The following CACNA2D3 variants were observed in gnomAD, a reference collection of about 807,000 sequenced individuals.
CACNA2D3 encodes the protein calcium voltage-gated channel auxiliary subunit alpha2delta 3.
Under a neutral mutation model 160.6 loss-of-function variants are expected in CACNA2D3, and 60 were observed. The observed-to-expected ratio is 0.37, with a 90% confidence interval of 0.30 to 0.46. The LOEUF is 0.46. CACNA2D3 is among the 20% of genes least tolerant of loss of function. The pLI, the probability that CACNA2D3 is intolerant of heterozygous loss-of-function variation, is 1.00. For missense variants in CACNA2D3, 1,205 were observed against 1,365.0 expected, an observed-to-expected ratio of 0.88 and a Z score of 1.85; for synonymous variants, 558 against 492.9, an observed-to-expected ratio of 1.13 and a Z score of -1.75.
rs1699536351 is a variant in CACNA2D3, at chr3:54,871,610, C to T, written c.1698C>T (p.Asp566=). ...ACCTCTCTGAGGTGGAGTGGGAAGA[C>T]CGAGATGACGTGGTAAGTGATTTGT... ...SVDLSEVEWE[D]RDDVLRNAMV... is the part of the protein sequence containing the mutation. Residue 566 remains aspartate (D), a synonymous_variant, in exon 18 of 38, where the codon GAC becomes GAT. Transcript: ENST00000474759. The T allele has an allele frequency of 6.2e-7, 1 of 1,612,126 alleles. No individual in the cohort carries two copies. Among genetic ancestry groups the T allele is most frequent in the African/African-American group, 1.3e-5 (1 of 75,004 alleles).
At chr3:54,766,151 T>G (rs1383037541) in intron 13 of CACNA2D3, among the ~76,000 whole-genome samples, 1 of 152,054 alleles carries the variant, frequency 6.6e-6, no homozygotes, top group Non-Finnish European at 1.5e-5. Context: ...AAAAAAAAAC[T>G]TTTGTAAGCC....
In CACNA2D3 at chr3:54,293,935, C is replaced by G. The variant is rs73841937; in HGVS notation, c.205-26507C>G. On this transcript the variant is annotated intron_variant, in intron 2 of 37. Coordinates refer to ENST00000474759, the MANE Select transcript of CACNA2D3 (RefSeq NM_018398.3). The stretch of plus-strand genomic sequence containing the variant: ...ATTGCACACCCAAAAGAGTGCATGC[C>G]TGAAACATTTAAATGCATGCTTGGG... Among the ~76,000 whole-genome samples the G allele has an allele frequency of 9.7e-3, 1,470 of 152,262 alleles. 26 individuals carry two copies. Among genetic ancestry groups the G allele is most frequent in the African/African-American group, 0.034 (1,400 of 41,548 alleles).
intron 10 of CACNA2D3, among the ~76,000 whole-genome samples, chr3:54,641,674 G>A (rs1381590990): frequency 6.6e-6 from 1 of 152,136 alleles, no homozygotes; most frequent in Non-Finnish European, 1.5e-5. Context: ...CTGCCTTTCA[G>A]TGCTATGCCA....
intron 24 of CACNA2D3, among the ~76,000 whole-genome samples, chr3:54,890,572 A>C (rs1018904250): frequency 1.3e-5 from 2 of 152,108 alleles, no homozygotes; most frequent in Admixed American, 1.3e-4. Flanking sequence ...TGCTTTTTGC[A>C]TAGGAGAAAT....
intron 11 of CACNA2D3, among the ~76,000 whole-genome samples, chr3:54,648,325 C>T (rs1159800583): frequency 6.6e-6 from 1 of 152,248 alleles, no homozygotes; most frequent in African/African-American, 2.4e-5. Context: ...ATTATTTTGA[C>T]ATAGCCACAC....
chr3:54,457,231 T>C (rs913601853), intron 4 of CACNA2D3, among the ~76,000 whole-genome samples: 1 of 152,054 alleles, frequency 6.6e-6, no homozygotes, highest in Non-Finnish European at 1.5e-5. Context: ...GCCTTTGCTG[T>C]ATCCTATAGG....
At chr3:54,309,940 T>A (rs1703699659) in intron 2 of CACNA2D3, among the ~76,000 whole-genome samples, 1 of 151,832 alleles carries the variant, frequency 6.6e-6, no homozygotes, top group Non-Finnish European at 1.5e-5. Flanking sequence ...CTGCTTGCAG[T>A]TCAGTGCCAT....
chr3:54,711,334 C>T (rs1486698105), intron 11 of CACNA2D3, among the ~76,000 whole-genome samples: 4 of 152,216 alleles, frequency 2.6e-5, no homozygotes, highest in Non-Finnish European at 5.9e-5. Context: ...CTTCAAACAT[C>T]TGTCACCCGG....
rs549418342 is a variant in CACNA2D3, at chr3:54,173,690, A to T, written c.204+50096A>T. Among the ~76,000 whole-genome samples the T allele has an allele frequency of 3.9e-5, 6 of 152,356 alleles. No individual in the cohort carries two copies. The South Asian group carries it at 1.2e-3, about 32-fold the overall frequency. ...TGCAAAGCACAGGTACGTCTAAAAG[A>T]TTGAACAGGTGTTGTTTGGCCTTTG... On this transcript the variant is annotated intron_variant, in intron 2 of 37. Transcript: ENST00000474759.
intron 13 of CACNA2D3, among the ~76,000 whole-genome samples, chr3:54,801,024 T>C (rs1344587858): frequency 1.3e-5 from 2 of 151,568 alleles, no homozygotes; most frequent in Non-Finnish European, 2.9e-5. Flanking sequence ...TCTTACTCTG[T>C]CACCCAGGCT....
chr3:54,236,738 A>G (rs1275432223), intron 2 of CACNA2D3, among the ~76,000 whole-genome samples: 1 of 152,230 alleles, frequency 6.6e-6, no homozygotes, highest in Non-Finnish European at 1.5e-5. Flanking sequence ...TAAACAGGCC[A>G]CATGACATAG....
chr3:54,329,514 C>T (rs12497372), intron 3 of CACNA2D3, among the ~76,000 whole-genome samples: 1,756 of 152,282 alleles, frequency 0.012, 28 homozygotes, highest in South Asian at 0.044. Flanking sequence ...CGGCTCCAAG[C>T]GAATGAACCT....
chr3:54,595,303 C>G (rs1702931401), intron 9 of CACNA2D3, among the ~76,000 whole-genome samples: 1 of 147,902 alleles, frequency 6.8e-6, no homozygotes, highest in African/African-American at 2.5e-5. Flanking sequence ...GCTGAAAGCT[C>G]TGTGTGTGTG....
intron 11 of CACNA2D3, among the ~76,000 whole-genome samples, chr3:54,643,339 A>T (rs1699564668): frequency 6.6e-6 from 1 of 152,138 alleles, no homozygotes; most frequent in Non-Finnish European, 1.5e-5. Context: ...CACACCTATC[A>T]CTGCCATCTC....
chr3:54,532,915 C>T lies in CACNA2D3; in HGVS notation c.544+29261C>T, dbSNP rs112320801. ...GAGGTTGTACTACTTTACATTCCCA[C>T]TAAGAGTAGGATAAGCCCCTTTCTC... is the stretch of plus-strand genomic sequence containing the variant. On this transcript the variant is annotated intron_variant, in intron 5 of 37. Coordinates refer to ENST00000474759, the MANE Select transcript of CACNA2D3 (RefSeq NM_018398.3). 6.8e-3 allele frequency among the ~76,000 whole-genome samples: 1,040 copies of T among 152,312 alleles called. 13 individuals are homozygous for T. The highest frequency in any genetic ancestry group is 0.024 in the African/African-American group (989 of 41,558).
chr3:54,173,662 C>T (rs933291240), intron 2 of CACNA2D3, among the ~76,000 whole-genome samples: 25 of 152,208 alleles, frequency 1.6e-4, no homozygotes, highest in African/African-American at 6.0e-4. Flanking sequence ...AATGATTAAT[C>T]TTTGCAAAGC....
intron 5 of CACNA2D3, among the ~76,000 whole-genome samples, chr3:54,523,325 A>G (rs190120553): frequency 3.3e-5 from 5 of 152,040 alleles, no homozygotes; most frequent in South Asian, 2.1e-4. Context: ...TTTTTGTTCT[A>G]TTGATTTGGT....
At chr3:54,444,207 A>C (rs1394359068) in intron 4 of CACNA2D3, among the ~76,000 whole-genome samples, 1 of 152,204 alleles carries the variant, frequency 6.6e-6, no homozygotes, top group Non-Finnish European at 1.5e-5. Flanking sequence ...CCTGTGATCC[A>C]AACCTGGCCT....
intron 11 of CACNA2D3, among the ~76,000 whole-genome samples, chr3:54,662,350 G>T (rs1288374795): frequency 6.6e-6 from 1 of 152,170 alleles, no homozygotes; most frequent in Non-Finnish European, 1.5e-5. Context: ...GGCTAGCCTT[G>T]TTGACCACAA....
Sources: allele counts gnomAD v4.1 joint callset (sites outside exome capture counted in the v4.1 genomes callset), GRCh38; gene constraint gnomAD v4.1.1; transcripts MANE v1.5; gene names NCBI Gene and HGNC (gene_info 2026-07-23, HGNC 2026-07-21).